The following CYP7B1 variants were observed in gnomAD, a reference collection of about 807,000 sequenced individuals.
The protein encoded by CYP7B1 is cytochrome P450 7B1.
Under a neutral mutation model 42.7 loss-of-function variants are expected in CYP7B1, and 29 were observed. The ratio of observed to expected loss-of-function variants is 0.68; its 90% CI spans 0.51 to 0.93. The LOEUF (loss-of-function observed/expected upper bound fraction) is 0.93. Among genes scored for constraint, CYP7B1 ranks in the 40% least tolerant of loss-of-function variants. CYP7B1 has a pLI of 0.00. For missense variants in CYP7B1, 655 were observed against 600.5 expected (o/e 1.09, Z -0.95); for synonymous variants, 235 against 218.2 (o/e 1.08, Z -0.68).
intron 1 of CYP7B1, among the ~76,000 whole-genome samples, chr8:64,776,796 A>G (rs1395203045): frequency 6.6e-6 from 1 of 151,948 alleles, no homozygotes; most frequent in Admixed American, 6.6e-5. Flanking sequence ...TTCCAGAGAT[A>G]CCCTCCCTAC....
At chr8:64,790,667 TCC>T (rs1047893588) in intron 1 of CYP7B1, among the ~76,000 whole-genome samples, 17 of 152,312 alleles carry the variant, frequency 1.1e-4, no homozygotes, top group African/African-American at 3.8e-4. Flanking sequence ...TAACCATCAC[TCC>T]TATTCCTCCA....
At chr8:64,696,011 A>C (rs1806822841) in intron 1 of CYP7B1, among the ~76,000 whole-genome samples, 1 of 152,206 alleles carries the variant, frequency 6.6e-6, no homozygotes, top group Admixed American at 6.5e-5. Flanking sequence ...AATTCTTATA[A>C]TTTATTGGAC....
intron 1 of CYP7B1, among the ~76,000 whole-genome samples, chr8:64,734,998 T>C (rs1238668527): frequency 6.6e-6 from 1 of 152,042 alleles, no homozygotes; most frequent in African/African-American, 2.4e-5. Context: ...GTCACTCCTA[T>C]GAGAATCTAA....
chr8:64,788,432 G>A (rs1804563813), intron 1 of CYP7B1, among the ~76,000 whole-genome samples: 3 of 152,192 alleles, frequency 2.0e-5, no homozygotes, highest in Non-Finnish European at 4.4e-5. Context: ...CTGCATGGGT[G>A]TTCTCCAGGT....
chr8:64,615,857 G>T lies in CYP7B1; in HGVS notation c.684C>A (p.Ser228=). The part of the protein sequence containing the change: ...KFDDKFAYLV[S]NIPIELLGNV... Reference sequence around the variant, plus strand: ...TTCCTAGAAGCTCAATGGGTATGTTGGATACTAAATATGCAAACTTGTCAT... The same window carrying T: ...TTCCTAGAAGCTCAATGGGTATGTTTGATACTAAATATGCAAACTTGTCAT... The change falls in exon 3 of 6, where the codon TCC becomes TCA. Residue 228 remains serine, a synonymous_variant. Coordinates refer to ENST00000310193, the MANE Select transcript of CYP7B1 (RefSeq NM_004820.5). 6.2e-7 allele frequency: 1 copy of T among 1,613,478 alleles called. No homozygotes were observed.
chr8:64,731,947 A>T (rs1354326739), intron 1 of CYP7B1, among the ~76,000 whole-genome samples: 1 of 152,210 alleles, frequency 6.6e-6, no homozygotes, highest in East Asian at 1.9e-4. Flanking sequence ...GGGAACCTCC[A>T]CCTAGATTTC....
intron 1 of CYP7B1, among the ~76,000 whole-genome samples, chr8:64,677,043 A>G: frequency 6.6e-6 from 1 of 152,108 alleles, no homozygotes; most frequent in Non-Finnish European, 1.5e-5. Flanking sequence ...ATGATGCTAA[A>G]ACAAAAACTC....
chr8:64,792,232 T>C (rs998448904), intron 1 of CYP7B1, among the ~76,000 whole-genome samples: 1 of 152,110 alleles, frequency 6.6e-6, no homozygotes, highest in Admixed American at 6.5e-5. Flanking sequence ...TTAGCTTAAA[T>C]TTTTTTCTCA....
At chr8:64,700,173 G>A (rs938624745) in intron 1 of CYP7B1, among the ~76,000 whole-genome samples, 1 of 152,104 alleles carries the variant, frequency 6.6e-6, no homozygotes, top group Non-Finnish European at 1.5e-5. Context: ...ACACTTAAAA[G>A]AGCAATCAAA....
At chr8:64,658,063 G>T (rs1165410246) in intron 1 of CYP7B1, among the ~76,000 whole-genome samples, 1 of 152,056 alleles carries the variant, frequency 6.6e-6, no homozygotes, top group Non-Finnish European at 1.5e-5. Flanking sequence ...GCTTCCTGGG[G>T]TCTCTTTTAT....
intron 1 of CYP7B1, among the ~76,000 whole-genome samples, chr8:64,751,282 C>T (rs968030625): frequency 2.0e-5 from 3 of 152,116 alleles, no homozygotes; most frequent in African/African-American, 7.2e-5. Context: ...CCACACAATT[C>T]GCATACAGAC....
At chr8:64,708,288 T>C (rs1220236549) in intron 1 of CYP7B1, among the ~76,000 whole-genome samples, 3 of 152,278 alleles carry the variant, frequency 2.0e-5, no homozygotes, top group East Asian at 1.9e-4. Context: ...TTCAATGACA[T>C]CCCCTTCTGC....
At chr8:64,779,403 C>A (rs1231669039) in intron 1 of CYP7B1, among the ~76,000 whole-genome samples, 2 of 152,148 alleles carry the variant, frequency 1.3e-5, no homozygotes, top group East Asian at 3.9e-4. Flanking sequence ...TGTTGGCCAT[C>A]CCTATTACAA....
chr8:64,713,480 C>A, intron 1 of CYP7B1, among the ~76,000 whole-genome samples: 1 of 150,636 alleles, frequency 6.6e-6, no homozygotes, highest in East Asian at 1.9e-4. Context: ...TCCATTTGTT[C>A]AAGAATAGAG....
chr8:64,622,185 T>C (rs1805541562), intron 2 of CYP7B1, among the ~76,000 whole-genome samples: 1 of 152,270 alleles, frequency 6.6e-6, no homozygotes. Context: ...ATGCATTATT[T>C]GCATAATACT....
intron 1 of CYP7B1, among the ~76,000 whole-genome samples, chr8:64,667,699 G>A (rs1391417847): frequency 6.6e-6 from 1 of 152,098 alleles, no homozygotes; most frequent in East Asian, 1.9e-4. Context: ...AGGTCACTAT[G>A]TTTTTTATCC....
intron 1 of CYP7B1, among the ~76,000 whole-genome samples, chr8:64,761,389 G>T (rs1206088589): frequency 1.3e-5 from 2 of 151,532 alleles, no homozygotes; most frequent in Admixed American, 1.3e-4. Flanking sequence ...TAATTAGCTT[G>T]GTTGTGAGAA....
intron 1 of CYP7B1, among the ~76,000 whole-genome samples, chr8:64,636,519 G>A (rs2129630854): frequency 6.6e-6 from 1 of 152,070 alleles, no homozygotes; most frequent in East Asian, 1.9e-4. Context: ...TCTAATCATG[G>A]CTCTCTCCTG....
intron 1 of CYP7B1, among the ~76,000 whole-genome samples, chr8:64,627,326 C>T (rs1430122044): frequency 6.6e-6 from 1 of 152,152 alleles, no homozygotes; most frequent in Non-Finnish European, 1.5e-5. Context: ...AAGAGGAGAC[C>T]ACGCATGTAA....
Sources: allele counts gnomAD v4.1 joint callset (sites outside exome capture counted in the v4.1 genomes callset), GRCh38; gene constraint gnomAD v4.1.1; transcripts MANE v1.5; gene names NCBI Gene and HGNC (gene_info 2026-07-23, HGNC 2026-07-21).